Variants in SMARCB1 observed in about 807,000 individuals in gnomAD.
SMARCB1 encodes the protein SWI/SNF-related matrix-associated actin-dependent regulator of chromatin subfamily B member 1.
In SMARCB1, 5 loss-of-function variants were observed where a neutral mutation model predicts 49.0. That is an observed-to-expected ratio of 0.10 (90% CI 0.05 to 0.21). The LOEUF is 0.21. Ranked by LOEUF, SMARCB1 falls within the 10% of genes least tolerant of loss-of-function variation. The probability of loss-of-function intolerance (pLI) is 1.00; values close to 1 mark genes in which losing one functional copy is unlikely to be tolerated. For missense variants in SMARCB1, 226 were observed against 509.2 expected (o/e 0.44, Z 5.35); for synonymous variants, 201 against 200.1 (o/e 1.00, Z -0.04).
In SMARCB1 at chr22:23,793,672, C is replaced by G. The variant is rs1928547553; in HGVS notation, c.346C>G (p.Pro116Ala). 1 of 1,613,980 alleles carries G rather than the reference C, an allele frequency of 6.2e-7. No homozygotes were observed. The highest frequency in any genetic ancestry group is 1.1e-5 in the South Asian group (1 of 91,094). The change falls in exon 3 of 9, where the codon CCC becomes GCC. Residue 116 changes from proline (P) to alanine (A), a missense_variant. By Grantham distance (27) the Pro-to-Ala change is conservative. Coordinates refer to ENST00000644036, the MANE Select transcript of SMARCB1 (RefSeq NM_003073.5). ...KYKAVSISTE[P>A]PTYLREQKAK... ...CAAGGCTGTGTCCATCAGCACAGAG[C>G]CCCCCACCTACCTCAGGTAATGCGT... is the stretch of plus-strand genomic sequence containing the variant.
intron 6 of SMARCB1, 192 bp downstream of exon 6, chr22:23,817,128 G>A: frequency 1.6e-6 from 1 of 624,138 alleles, no homozygotes. Flanking sequence ...TCATAGTAAA[G>A]TGTTATATTC....
rs888616162 is a variant in SMARCB1, at chr22:23,793,674, C to T, written c.348C>T (p.Pro116=). ...AGGCTGTGTCCATCAGCACAGAGCC[C>T]CCCACCTACCTCAGGTAATGCGTTC... ...KYKAVSISTE[P]PTYLREQKAK... The change falls in exon 3 of 9, where the codon CCC becomes CCT. Residue 116 remains proline (P), a synonymous_variant. Transcript: ENST00000644036. 11 of 1,614,066 alleles carry T rather than the reference C, an allele frequency of 6.8e-6. No homozygotes were observed. In the African/African-American group the frequency reaches 1.5e-4, roughly 22 times the overall value.
In SMARCB1 at chr22:23,836,722, G is replaced by A. The variant is rs1327370823; in HGVS notation, c.*2542G>A. On this transcript the variant is annotated 3_prime_UTR_variant, in exon 9 of 9. Transcript: ENST00000644036. The stretch of plus-strand genomic sequence containing the variant: ...GGTGAGATGGGGAAGCCAGTGCTGT[G>A]GGCCAAGAGACTGCAGCTCATTCTG... The A allele has an allele frequency of 1.5e-5, 20 of 1,350,844 alleles. No individual in the cohort carries two copies. The highest frequency in any genetic ancestry group is 3.7e-5 in the Admixed American group (1 of 27,282). The allele number at this position is 1,350,844 out of a possible 1,614,324, so 83.7% of individuals were successfully genotyped here. A position where few individuals can be genotyped will look rare whatever the true frequency, so the allele number is the denominator to read the frequency against.
chr22:23,822,939 G>T (rs2030172202), intron 6 of SMARCB1, among the ~76,000 whole-genome samples: 1 of 124,418 alleles, frequency 8.0e-6, no homozygotes, highest in Non-Finnish European at 1.6e-5. Context: ...GTGTCTGTCA[G>T]TGCCCCCACC....
chr22:23,793,307 C>T (rs1928520795), intron 2 of SMARCB1: 3 of 567,294 alleles, frequency 5.3e-6, no homozygotes, highest in South Asian at 1.8e-5. Context: ...TTCCCTCTGC[C>T]CCGAGCCAGT....
intron 7 of SMARCB1, among the ~76,000 whole-genome samples, chr22:23,833,255 C>T (rs1466883817): frequency 2.6e-5 from 4 of 152,178 alleles, no homozygotes; most frequent in Non-Finnish European, 4.4e-5. Context: ...ATGGTCCAGC[C>T]CGTGCTGTCC....
intron 1 of SMARCB1, among the ~76,000 whole-genome samples, chr22:23,787,766 A>T (rs1568933838): frequency 6.6e-6 from 1 of 151,946 alleles, no homozygotes; most frequent in Non-Finnish European, 1.5e-5. Flanking sequence ...AGGTCTTTTG[A>T]CCTTTGTTTA....
At chr22:23,789,546 A>G (rs1928242161) in intron 1 of SMARCB1, among the ~76,000 whole-genome samples, 1 of 152,158 alleles carries the variant, frequency 6.6e-6, no homozygotes, top group African/African-American at 2.4e-5. Flanking sequence ...TCATGTGTAT[A>G]ATGTGATGCT....
At chr22:23,787,462 T>C (rs975678116) in intron 1 of SMARCB1, among the ~76,000 whole-genome samples, 200 bp downstream of exon 1, 1 of 151,996 alleles carries the variant, frequency 6.6e-6, no homozygotes, top group African/African-American at 2.4e-5. Context: ...TCCTTACTTA[T>C]TTCGCCGAGG....
At chr22:23,822,928 A>C (rs1444707609) in intron 6 of SMARCB1, among the ~76,000 whole-genome samples, 1 of 107,862 alleles carries the variant, frequency 9.3e-6, no homozygotes, top group Non-Finnish European at 1.8e-5. Flanking sequence ...TAACCTACTT[A>C]GTGTCTGTCA....
intron 4 of SMARCB1, 128 bp from the exon 5 acceptor site, chr22:23,803,167 T>C: frequency 1.6e-6 from 2 of 1,238,196 alleles, no homozygotes; most frequent in Non-Finnish European, 2.4e-6. Context: ...GCCTCAGCTG[T>C]TAGCTGACAA....
At position 23,837,440 on chromosome 22, in the gene SMARCB1, G is replaced by C; in HGVS notation, c.*3260G>C. On this transcript the variant is annotated 3_prime_UTR_variant, in exon 9 of 9. Coordinates refer to ENST00000644036, the MANE Select transcript of SMARCB1 (RefSeq NM_003073.5). Reference sequence around the variant, plus strand: ...TCCCATCCTCACTCCCATCAGGACCGTGCAAGCATCAGTAGATCCGTCCTG... The same window carrying C: ...TCCCATCCTCACTCCCATCAGGACCCTGCAAGCATCAGTAGATCCGTCCTG... 1.5e-6 allele frequency: 1 copy of C among 649,476 alleles called. No individual in the cohort carries two copies. The allele number at this position is 649,476 out of a possible 1,614,324, so 40.2% of individuals were successfully genotyped here.
chr22:23,834,879 T>C lies in SMARCB1; in HGVS notation c.*699T>C, dbSNP rs756317404. 20 of 1,612,556 alleles carry C rather than the reference T, an allele frequency of 1.2e-5. No homozygotes were observed. The highest frequency in any genetic ancestry group is 5.5e-5 in the South Asian group (5 of 91,064). On this transcript the variant is annotated 3_prime_UTR_variant, in exon 9 of 9. Transcript: ENST00000644036. ...CGTCCCTGGGCCGCCCTGGCTCTGC[T>C]GTGTCCAGATGGTCAGGCTACTGCC...
intron 5 of SMARCB1, chr22:23,815,606 A>C (rs1190324627): frequency 6.6e-6 from 1 of 152,280 alleles, no homozygotes; most frequent in Non-Finnish European, 1.5e-5. Flanking sequence ...AGACATGTTT[A>C]TACAATAGCC....
intron 6 of SMARCB1, among the ~76,000 whole-genome samples, chr22:23,820,141 T>C (rs1329006237): frequency 1.3e-5 from 2 of 152,186 alleles, no homozygotes; most frequent in South Asian, 2.1e-4. Flanking sequence ...CAGCATTTTT[T>C]TGAGGATTTT....
intron 1 of SMARCB1, among the ~76,000 whole-genome samples, chr22:23,789,256 G>A (rs575900534): frequency 3.0e-4 from 46 of 152,212 alleles, no homozygotes; most frequent in Non-Finnish European, 5.7e-4. Flanking sequence ...TAGAGCCAGT[G>A]CCTGTCCATC....
chr22:23,833,845 G>C, intron 8 of SMARCB1, 142 bp downstream of exon 8: 2 of 955,746 alleles, frequency 2.1e-6, no homozygotes, highest in South Asian at 2.7e-5. Context: ...AGGCTTCTGG[G>C]TGATAAGGCC....
At position 23,834,288 on chromosome 22, in the gene SMARCB1, A is replaced by G; in HGVS notation, c.*108A>G. 3 of 1,269,750 alleles carry G rather than the reference A, an allele frequency of 2.4e-6. No homozygotes were observed. Among genetic ancestry groups the G allele is most frequent in the Non-Finnish European group, 3.3e-6 (3 of 900,696 alleles). 78.7% of individuals were successfully genotyped at this position (1,269,750 alleles called of 1,614,324 possible). A position where few individuals can be genotyped will look rare whatever the true frequency, so the allele number is the denominator to read the frequency against. The stretch of plus-strand genomic sequence containing the variant: ...GAGGGGACAGCCCAGCGCCATCCTG[A>G]GGATCGGGTGGGGGTGGAGTGGGGG... On this transcript the variant is annotated 3_prime_UTR_variant, in exon 9 of 9. Transcript: ENST00000644036.
intron 7 of SMARCB1, among the ~76,000 whole-genome samples, chr22:23,831,094 C>T (rs963541231): frequency 9.9e-5 from 15 of 152,154 alleles, no homozygotes; most frequent in African/African-American, 3.6e-4. Context: ...ACTTGGCACC[C>T]TTCTAAAAAT....
Sources: allele counts gnomAD v4.1 joint callset (sites outside exome capture counted in the v4.1 genomes callset), GRCh38; gene constraint gnomAD v4.1.1; transcripts MANE v1.5; gene names NCBI Gene and HGNC (gene_info 2026-07-23, HGNC 2026-07-21).